Variants in USP25 observed in about 807,000 individuals in gnomAD.
USP25 encodes ubiquitin specific peptidase 25, also known as ubiquitin carboxyl-terminal hydrolase 25.
Under a neutral mutation model 158.5 loss-of-function variants are expected in USP25, and 85 were observed. That is an observed-to-expected ratio of 0.54 (90% confidence interval 0.45 to 0.64). The LOEUF (loss-of-function observed/expected upper bound fraction) is 0.64, where lower values mean the gene tolerates loss of function less well. USP25 is among the 30% of genes least tolerant of loss of function. The pLI is 0.00. For missense variants in USP25, 1,242 were observed against 1,327.3 expected, an observed-to-expected ratio of 0.94 and a Z score of 1.00; for synonymous variants, 464 against 460.4, an observed-to-expected ratio of 1.01 and a Z score of -0.10.
At chr21:15,855,597 C>T (rs1773844698) in intron 20 of USP25, among the ~76,000 whole-genome samples, 1 of 152,208 alleles carries the variant, frequency 6.6e-6, no homozygotes. Flanking sequence ...CATTTCCATG[C>T]TTAGCCAAAG....
Position 15,878,510 on chromosome 21 carries a change from CTT to C in USP25, c.*39_*40del. The C allele has an allele frequency of 6.3e-7, 1 of 1,582,838 alleles. No homozygotes were observed. The highest frequency in any genetic ancestry group is 8.6e-7 in the Non-Finnish European group (1 of 1,162,010). ...TTTCCCTGAACACACTGTATAAACTCTTTTTAGTTCTTAACCCTTGCCTTCCT... is the reference window on the plus strand; with the variant it reads ...TTTCCCTGAACACACTGTATAAACTCTTTAGTTCTTAACCCTTGCCTTCCT... On this transcript the variant is annotated 3_prime_UTR_variant, in exon 26 of 26. Transcript: ENST00000400183.
At chr21:15,805,504 A>C in intron 7 of USP25, 1 of 289,678 alleles carries the variant, frequency 3.5e-6, no homozygotes, top group Non-Finnish European at 6.3e-6. Context: ...TTATTTACAA[A>C]TACATAATTA....
chr21:15,808,821 G>A lies in USP25; in HGVS notation c.793G>A (p.Glu265Lys). The A allele has an allele frequency of 6.2e-7, 1 of 1,604,536 alleles. No individual in the cohort carries two copies. Among genetic ancestry groups the A allele is most frequent in the Non-Finnish European group, 8.5e-7 (1 of 1,177,440 alleles). The change falls in exon 8 of 26, where the codon GAG (glutamate) becomes AAG (lysine). Residue 265 changes from glutamate to lysine, a missense_variant. Coordinates refer to ENST00000400183, the MANE Select transcript of USP25 (RefSeq NM_001283041.3). The stretch of plus-strand genomic sequence containing the variant: ...TTTCTTTTCACAGCAAGATGTGAGT[G>A]AGTTTACACACAAATTATTAGATTG... ...SNDSQQQDVS[E>K]FTHKLLDWLE...
intron 20 of USP25, among the ~76,000 whole-genome samples, chr21:15,860,975 T>TATATATAG (rs910137325): frequency 1.4e-5 from 2 of 140,624 alleles, no homozygotes; most frequent in African/African-American, 2.6e-5. Flanking sequence ...TATATATATA[T>TATATATAG]AGAGAGAGAG....
chr21:15,782,884 A>G (rs1302001726), intron 4 of USP25, among the ~76,000 whole-genome samples: 2 of 152,220 alleles, frequency 1.3e-5, no homozygotes, highest in Non-Finnish European at 1.5e-5. Context: ...TGGCACCACA[A>G]TGCATCTTTA....
In USP25 at chr21:15,866,263, A is replaced by G. The variant is rs1266814402; in HGVS notation, c.2727-3A>G. On this transcript the variant is annotated splice_polypyrimidine_tract_variant and splice_region_variant and intron_variant, in intron 21 of 25. Coordinates refer to ENST00000400183, the MANE Select transcript of USP25 (RefSeq NM_001283041.3). ...CGCTCATATGTATGTGTTTTTTTTT[A>G]AGGTGTCACAACATAATGAAAGTTG... The G allele has an allele frequency of 1.3e-6, 2 of 1,586,210 alleles. No individual in the cohort carries two copies. Among genetic ancestry groups the G allele is most frequent in the Admixed American group, 1.8e-5 (1 of 56,576 alleles).
At chr21:15,760,608 A>G (rs2033666567) in intron 1 of USP25, among the ~76,000 whole-genome samples, 1 of 152,252 alleles carries the variant, frequency 6.6e-6, no homozygotes, top group Non-Finnish European at 1.5e-5. Flanking sequence ...CTGAAAATAC[A>G]TATTTTATAC....
intron 20 of USP25, among the ~76,000 whole-genome samples, chr21:15,858,479 T>C (rs559403334): frequency 5.1e-4 from 78 of 152,008 alleles, no homozygotes; most frequent in African/African-American, 1.8e-3. Context: ...TTAACCAGGT[T>C]ATTGAAAGGG....
intron 1 of USP25, among the ~76,000 whole-genome samples, chr21:15,732,250 T>C (rs2030987117): frequency 6.6e-6 from 1 of 152,224 alleles, no homozygotes; most frequent in African/African-American, 2.4e-5. Context: ...GATCATTTCA[T>C]TGTTATTGGG....
At chr21:15,761,325 C>T (rs896160432) in intron 1 of USP25, among the ~76,000 whole-genome samples, 1 of 152,160 alleles carries the variant, frequency 6.6e-6, no homozygotes, top group Non-Finnish European at 1.5e-5. Flanking sequence ...GGGCCTCCCC[C>T]CCAGGAATGT....
At position 15,826,445 on chromosome 21, in the gene USP25, C is replaced by T; in HGVS notation, c.1466+80C>T. 3.3e-6 allele frequency: 5 copies of T among 1,500,618 alleles called. No homozygotes were observed. The South Asian group carries it at 6.1e-5, about 18-fold the overall frequency. 93.0% of individuals were successfully genotyped at this position (1,500,618 alleles called of 1,614,324 possible). On this transcript the variant is annotated intron_variant, in intron 13 of 25. Transcript: ENST00000400183. This position sits in a 1 kb window ranked among gnomAD's most constrained non-coding sequence, Gnocchi z 4.8. Reference sequence around the variant, plus strand: ...TAACTGCTGCCTTTAAAGACAGTTTCTATAAAATGTATGCTTTGATTTACT... The same window carrying T: ...TAACTGCTGCCTTTAAAGACAGTTTTTATAAAATGTATGCTTTGATTTACT...
chr21:15,773,852 CAA>C (rs2034494705), intron 3 of USP25, among the ~76,000 whole-genome samples: 1 of 152,204 alleles, frequency 6.6e-6, no homozygotes, highest in South Asian at 2.1e-4. Flanking sequence ...TTTGCTGAAA[CAA>C]AATGGTTAGA....
chr21:15,824,622 T>G (rs1286722893), intron 11 of USP25, among the ~76,000 whole-genome samples: 1 of 152,174 alleles, frequency 6.6e-6, no homozygotes, highest in Non-Finnish European at 1.5e-5. Flanking sequence ...TGTCTTTCCT[T>G]CTTTTTTGTT....
intron 23 of USP25, among the ~76,000 whole-genome samples, chr21:15,871,143 T>C (rs755973550): frequency 2.1e-4 from 32 of 152,160 alleles, no homozygotes; most frequent in Non-Finnish European, 4.0e-4. Context: ...TTTTTAGTTA[T>C]CACACAAAAG....
intron 1 of USP25, among the ~76,000 whole-genome samples, chr21:15,741,459 A>C (rs920353188): frequency 6.6e-6 from 1 of 152,122 alleles, no homozygotes; most frequent in African/African-American, 2.4e-5. Context: ...CTCATTAGCA[A>C]TATAGGAGAA....
At chr21:15,778,147 G>C in intron 4 of USP25, 120 bp downstream of exon 4, 1 of 931,608 alleles carries the variant, frequency 1.1e-6, no homozygotes, top group Non-Finnish European at 1.5e-6. Flanking sequence ...CTAGTAATAT[G>C]CTTGTGTATT....
At chr21:15,806,847 A>G (rs1219969676) in intron 7 of USP25, among the ~76,000 whole-genome samples, 5 of 152,170 alleles carry the variant, frequency 3.3e-5, no homozygotes, top group Admixed American at 1.3e-4. Context: ...TTTCAAATAC[A>G]TCATCTTTTG....
At chr21:15,742,827 G>T (rs1421156765) in intron 1 of USP25, among the ~76,000 whole-genome samples, 2 of 152,192 alleles carry the variant, frequency 1.3e-5, no homozygotes, top group African/African-American at 4.8e-5. Flanking sequence ...GGCCCAGCAG[G>T]GTGCTCTCAG....
intron 6 of USP25, among the ~76,000 whole-genome samples, chr21:15,800,498 TA>T: frequency 6.6e-6 from 1 of 150,478 alleles, no homozygotes; most frequent in Non-Finnish European, 1.5e-5. Context: ...TAGTAAGTAC[TA>T]GGTGTCAGCT....
Sources: gnomAD v4.1 joint callset for allele counts (sites outside exome capture counted in the v4.1 genomes callset) on GRCh38, gnomAD v4.1.1 for gene constraint, Gnocchi (gnomAD v3.1) non-coding constraint, MANE v1.5 for transcripts, NCBI Gene and HGNC (gene_info 2026-07-23, HGNC 2026-07-21) for gene names.